The following AUTS2 variants were observed in gnomAD, a reference collection of about 807,000 sequenced individuals.
AUTS2 encodes the protein activator of transcription and developmental regulator AUTS2.
Under a neutral mutation model 112.4 loss-of-function variants are expected in AUTS2, and 17 were observed. The observed-to-expected ratio is 0.15, with a 90% CI of 0.10 to 0.23. The LOEUF is 0.23. Ranked by LOEUF, AUTS2 falls within the 10% of genes least tolerant of loss-of-function variation. The pLI is 1.00. For missense variants in AUTS2, 1,510 were observed against 1,701.6 expected, an observed-to-expected ratio of 0.89 and a Z score of 1.98; for synonymous variants, 751 against 702.7, an observed-to-expected ratio of 1.07 and a Z score of -1.09.
At chr7:69,819,240 A>C (rs1471420368) in intron 1 of AUTS2, among the ~76,000 whole-genome samples, 1 of 152,200 alleles carries the variant, frequency 6.6e-6, no homozygotes, top group African/African-American at 2.4e-5. Flanking sequence ...TTTTTGATTC[A>C]AGTCGAGGAA....
chr7:70,536,780 A>T (rs563265474), intron 5 of AUTS2, among the ~76,000 whole-genome samples: 45 of 151,904 alleles, frequency 3.0e-4, no homozygotes, highest in Non-Finnish European at 6.0e-4. Context: ...CATGCTTGTA[A>T]TCCTAGCTAC....
chr7:69,791,672 T>A (rs1470942386), intron 1 of AUTS2, among the ~76,000 whole-genome samples: 1 of 152,146 alleles, frequency 6.6e-6, no homozygotes, highest in Non-Finnish European at 1.5e-5. Context: ...GGTAAAGAAA[T>A]GTTTGGGTCT....
chr7:70,663,708 G>A (rs377420342), intron 5 of AUTS2, among the ~76,000 whole-genome samples: 1 of 152,122 alleles, frequency 6.6e-6, no homozygotes, highest in Admixed American at 6.6e-5. Flanking sequence ...AAAGGCAGGG[G>A]TGGCCCGGAA....
chr7:70,229,902 A>G (rs141951292), intron 4 of AUTS2, among the ~76,000 whole-genome samples: 4 of 152,240 alleles, frequency 2.6e-5, no homozygotes, highest in East Asian at 3.9e-4. Context: ...AGAATGTCCA[A>G]TTGGTTCTAT....
chr7:69,750,498 A>G (rs1024134416), intron 1 of AUTS2, among the ~76,000 whole-genome samples: 4 of 150,570 alleles, frequency 2.7e-5, no homozygotes, highest in Admixed American at 6.7e-5. Flanking sequence ...TAGTAGTAGT[A>G]GTAGCAGTAG....
At chr7:70,774,315 T>C (rs574515080) in intron 12 of AUTS2, 7 of 545,984 alleles carry the variant, frequency 1.3e-5, no homozygotes, top group African/African-American at 5.6e-5. Context: ...GACTTGCCGA[T>C]GGGAGAAAAG....
Position 70,766,217 on chromosome 7 carries a change from C to CCATCAG in AUTS2, c.1575_1580dup (p.Gln532_His533dup). On this transcript the variant is annotated inframe_insertion, in exon 9 of 19. Coordinates refer to ENST00000342771, the MANE Select transcript of AUTS2 (RefSeq NM_015570.4). This position sits in a 1 kb window ranked among gnomAD's most constrained non-coding sequence, Gnocchi z 4.8. ...CTCCGCCCTACCTGCGGACCGAGTT[C>CCATCAG]CATCAGCACCAGCACCAGCACCAGC... 10 of 1,614,134 alleles carry CCATCAG rather than the reference C, an allele frequency of 6.2e-6. No homozygotes were observed. Among genetic ancestry groups the CCATCAG allele is most frequent in the Non-Finnish European group, 8.5e-6 (10 of 1,180,040 alleles).
intron 4 of AUTS2, among the ~76,000 whole-genome samples, chr7:70,260,644 A>G (rs1185800994): frequency 6.6e-6 from 1 of 151,962 alleles, no homozygotes; most frequent in Non-Finnish European, 1.5e-5. Flanking sequence ...CGAGTTTTGG[A>G]GGGGGCATTT....
intron 2 of AUTS2, among the ~76,000 whole-genome samples, chr7:70,011,401 C>T (rs563542804): frequency 6.7e-6 from 1 of 149,618 alleles, no homozygotes; most frequent in South Asian, 2.1e-4. Flanking sequence ...CACTTCTACC[C>T]TCATTTACTT....
At chr7:70,158,045 G>A (rs903050298) in intron 4 of AUTS2, among the ~76,000 whole-genome samples, 1 of 152,122 alleles carries the variant, frequency 6.6e-6, no homozygotes, top group African/African-American at 2.4e-5. Context: ...TGGTCATGGC[G>A]GGGGAGGAGG....
intron 2 of AUTS2, among the ~76,000 whole-genome samples, chr7:69,931,048 G>A (rs1389958873): frequency 6.6e-6 from 1 of 151,688 alleles, no homozygotes; most frequent in Admixed American, 6.6e-5. Flanking sequence ...TTTAAAAAAT[G>A]TATCTTTAGG....
intron 3 of AUTS2, among the ~76,000 whole-genome samples, chr7:70,130,286 T>C (rs1255640627): frequency 6.6e-6 from 1 of 152,222 alleles, no homozygotes; most frequent in Non-Finnish European, 1.5e-5. Context: ...GGCCTCTCTG[T>C]GTGGATTTAT....
At position 70,792,433 on chromosome 7, in the gene AUTS2, C is replaced by A. The variant is rs1792027522; in HGVS notation, c.*1437C>A. 2.7e-5 allele frequency: 4 copies of A among 148,212 alleles called. No homozygotes were observed. In the Admixed American group the frequency reaches 2.7e-4, roughly 10 times the overall value. 9.2% of individuals were successfully genotyped at this position (148,212 alleles called of 1,614,324 possible). On this transcript the variant is annotated 3_prime_UTR_variant, in exon 19 of 19. Coordinates refer to ENST00000342771, the MANE Select transcript of AUTS2 (RefSeq NM_015570.4). ...TATATGTATGAAATAAAATTAGTTC[C>A]ATTTGGTCTTCTAGTATATTAAAGT... is the stretch of plus-strand genomic sequence containing the variant.
At chr7:70,396,818 A>G (rs1794105285) in intron 4 of AUTS2, among the ~76,000 whole-genome samples, 1 of 152,200 alleles carries the variant, frequency 6.6e-6, no homozygotes, top group Admixed American at 6.5e-5. Flanking sequence ...GTTATTACAA[A>G]TAAAGCTGCT....
At chr7:69,894,252 GTTTTT>G (rs370966756) in intron 1 of AUTS2, among the ~76,000 whole-genome samples, 1 of 36,740 alleles carries the variant, frequency 2.7e-5, no homozygotes, top group Admixed American at 3.6e-4. Context: ...GCCTTAAAGC[GTTTTT>G]TTTTTTTTTT....
At chr7:70,312,103 C>T (rs983683814) in intron 4 of AUTS2, among the ~76,000 whole-genome samples, 1 of 151,918 alleles carries the variant, frequency 6.6e-6, no homozygotes, top group African/African-American at 2.4e-5. Context: ...AGGTGATCCA[C>T]CTGCCTCAGC....
rs1791578552 is a variant in AUTS2, at chr7:70,787,399, A to G, written c.2499A>G (p.Arg833=). 1 of 1,613,442 alleles carries G rather than the reference A, an allele frequency of 6.2e-7. No individual in the cohort carries two copies. The highest frequency in any genetic ancestry group is 8.5e-7 in the Non-Finnish European group (1 of 1,179,658). The change falls in exon 18 of 19, where the codon CGA becomes CGG. Residue 833 remains arginine (R), a synonymous_variant. Coordinates refer to ENST00000342771, the MANE Select transcript of AUTS2 (RefSeq NM_015570.4). The part of the protein sequence containing the change: ...AHDRDRDVDK[R]DSSVSKDDKE... Reference sequence around the variant, plus strand: ...ACAGAGATAGAGATGTAGATAAACGAGACTCATCTGTTAGTAAAGATGACA... The same window carrying G: ...ACAGAGATAGAGATGTAGATAAACGGGACTCATCTGTTAGTAAAGATGACA...
chr7:69,924,348 A>G (rs1795924336), intron 2 of AUTS2, among the ~76,000 whole-genome samples: 1 of 152,114 alleles, frequency 6.6e-6, no homozygotes, highest in Non-Finnish European at 1.5e-5. Context: ...AAATGTTTTA[A>G]AGAATTTTTA....
intron 2 of AUTS2, among the ~76,000 whole-genome samples, chr7:69,993,205 A>G (rs987690489): frequency 2.6e-5 from 4 of 152,174 alleles, no homozygotes; most frequent in African/African-American, 7.2e-5. Flanking sequence ...TCTGTGTCCA[A>G]CAACAATCTT....
Sources: gnomAD v4.1 joint callset for allele counts (sites outside exome capture counted in the v4.1 genomes callset) on GRCh38, gnomAD v4.1.1 for gene constraint, Gnocchi (gnomAD v3.1) non-coding constraint, MANE v1.5 for transcripts, NCBI Gene and HGNC (gene_info 2026-07-23, HGNC 2026-07-21) for gene names.